Variants in ANKRD62 observed in about 807,000 individuals in gnomAD.
ANKRD62 encodes the protein ankyrin repeat domain-containing protein 62.
ANKRD62 carries 61 observed loss-of-function variants against 98.8 expected under a neutral mutation model. The observed-to-expected ratio is 0.62, with a 90% CI of 0.50 to 0.76. ANKRD62 has a LOEUF of 0.76. ANKRD62 is among the 30% of genes least tolerant of loss of function. The probability of loss-of-function intolerance (pLI) is 0.00; values close to 1 mark genes in which losing one functional copy is unlikely to be tolerated. For synonymous variants in ANKRD62, 341 were observed against 367.9 expected (o/e 0.93, Z 0.84); for missense variants, 933 against 1,082.9 (o/e 0.86, Z 1.94).
At chr18:12,123,855 A>G (rs910232450) in intron 11 of ANKRD62, among the ~76,000 whole-genome samples, 1 of 152,240 alleles carries the variant, frequency 6.6e-6, no homozygotes, top group African/African-American at 2.4e-5. Context: ...TGTGTGAAGA[A>G]AAGGTAATTT....
the ANKRD62 span, among the ~76,000 whole-genome samples, chr18:12,177,521 T>C: frequency 1.3e-3 from 191 of 152,154 alleles, no homozygotes; most frequent in African/African-American, 4.3e-3. Flanking sequence ...AAATTCCATC[T>C]GTTTCCCATA....
Position 12,127,752 on chromosome 18 carries a change from T to C in ANKRD62, c.2567T>C (p.Val856Ala). ...ACAAAAATAACATCTTACCAGGTAG[T>C]CAGGAGACAGCTTCAACGAGAAGTG... ...YEKEKEEREV[V>A]RRQLQREVDD... The change falls in exon 14 of 14, where the codon GTC becomes GCC. Residue 856 changes from valine to alanine, a missense_variant. Val to Ala is a moderately conservative substitution (Grantham distance 64). Around this residue, in one of 3 missense-constraint regions of ANKRD62, gnomAD observed 362 missense variants for 434.5 expected, o/e 0.83. Coordinates refer to ENST00000587848, the MANE Select transcript of ANKRD62 (RefSeq NM_001277333.2). The C allele has an allele frequency of 7.1e-7, 1 of 1,404,298 alleles. No homozygotes were observed. The highest frequency in any genetic ancestry group is 9.2e-7 in the Non-Finnish European group (1 of 1,085,626). 87.0% of individuals were successfully genotyped at this position (1,404,298 alleles called of 1,614,324 possible).
chr18:12,133,288 G>A (rs1391014446), downstream of ANKRD62, among the ~76,000 whole-genome samples: 3 of 152,114 alleles, frequency 2.0e-5, no homozygotes, highest in African/African-American at 7.2e-5. Context: ...TTCTATTGCA[G>A]AGAAATACCA....
chr18:12,107,217 A>T, intron 7 of ANKRD62, 78 bp from the exon 8 acceptor site: 1 of 955,114 alleles, frequency 1.0e-6, no homozygotes, highest in Non-Finnish European at 1.4e-6. Context: ...TCAAGTGATT[A>T]AATGAATGAA....
At chr18:12,118,612 A>G (rs923289039) in intron 10 of ANKRD62, among the ~76,000 whole-genome samples, 4 of 95,676 alleles carry the variant, frequency 4.2e-5, no homozygotes, top group African/African-American at 1.5e-4. Context: ...CTGTCTTAAA[A>G]AAAAAAAAAA....
In ANKRD62 at chr18:12,096,273, A is replaced by G; in HGVS notation, c.585A>G (p.Pro195=). The G allele has an allele frequency of 6.5e-7, 1 of 1,533,150 alleles. No individual in the cohort carries two copies. Among genetic ancestry groups the G allele is most frequent in the Non-Finnish European group, 8.7e-7 (1 of 1,144,218 alleles). 95.0% of individuals were successfully genotyped at this position (1,533,150 alleles called of 1,614,324 possible). Residue 195 remains proline (P), a synonymous_variant, in exon 4 of 14, where the codon CCA becomes CCG. Transcript: ENST00000587848. Reference sequence around the variant, plus strand: ...TGGCATTTTTGTTGAAGAAAAAACCAGATTTAACTGCAATAGATAATTTTG... The same window carrying G: ...TGGCATTTTTGTTGAAGAAAAAACCGGATTTAACTGCAATAGATAATTTTG... ...QMVAFLLKKK[P]DLTAIDNFGR...
chr18:12,144,919 G>A, the ANKRD62 span, among the ~76,000 whole-genome samples: 1 of 135,096 alleles, frequency 7.4e-6, no homozygotes, highest in Non-Finnish European at 1.6e-5. Context: ...CGAGGAGGGC[G>A]GATCGTTTGA....
the ANKRD62 span, among the ~76,000 whole-genome samples, chr18:12,135,989 A>G: frequency 7.2e-5 from 11 of 152,196 alleles, no homozygotes; most frequent in East Asian, 2.1e-3. Flanking sequence ...CCCATTCTGT[A>G]GGTTGCCTGT....
intron 6 of ANKRD62, chr18:12,102,225 G>A: frequency 1.3e-6 from 1 of 790,420 alleles, no homozygotes; most frequent in Middle Eastern, 3.6e-4. Context: ...ATTCAAATAA[G>A]CAGCTGGAAG....
At chr18:12,163,173 G>A in the ANKRD62 span, among the ~76,000 whole-genome samples, 1 of 151,728 alleles carries the variant, frequency 6.6e-6, no homozygotes, top group South Asian at 2.1e-4. Context: ...CATTTTTTGT[G>A]TCCTCTTATT....
At chr18:12,116,692 T>C (rs1278912422) in intron 10 of ANKRD62, among the ~76,000 whole-genome samples, 1 of 152,224 alleles carries the variant, frequency 6.6e-6, no homozygotes, top group Non-Finnish European at 1.5e-5. Context: ...TTGTTGTGTT[T>C]TGCTTATGCT....
chr18:12,115,202 T>C (rs1222719454), intron 9 of ANKRD62, 81 bp downstream of exon 9: 2 of 1,321,688 alleles, frequency 1.5e-6, no homozygotes, highest in East Asian at 2.6e-5. Flanking sequence ...AATCTTTTGC[T>C]GTAAAGACAT....
intron 4 of ANKRD62, 41 bp downstream of exon 4, chr18:12,096,343 G>A (rs1909182748): frequency 8.8e-7 from 1 of 1,132,178 alleles, no homozygotes. Flanking sequence ...AACCTGAGTG[G>A]TGTTCTAGAG....
At position 12,126,053 on chromosome 18, in the gene ANKRD62, A is replaced by G. The variant is rs933422626; in HGVS notation, c.2232A>G (p.Thr744=). 50 of 1,536,172 alleles carry G rather than the reference A, an allele frequency of 3.3e-5. No individual in the cohort carries two copies. Among genetic ancestry groups the G allele is most frequent in the Non-Finnish European group, 4.3e-5 (49 of 1,146,928 alleles). ...ACATGCAAGGAGTCCTAAGCCGAAC[A>G]CAGCGTCGATTGGAGGACATTGAAC... ...IEHMQGVLSR[T]QRRLEDIEHM... The change falls in exon 13 of 14, where the codon ACA becomes ACG. Residue 744 remains threonine, a synonymous_variant. Transcript: ENST00000587848.
chr18:12,140,525 G>T, the ANKRD62 span, among the ~76,000 whole-genome samples: 1 of 152,264 alleles, frequency 6.6e-6, no homozygotes, highest in African/African-American at 2.4e-5. Flanking sequence ...ATGGGTTGTT[G>T]GTGTAGATGT....
the ANKRD62 span, among the ~76,000 whole-genome samples, chr18:12,153,537 A>G: frequency 6.6e-6 from 1 of 150,844 alleles, no homozygotes; most frequent in Non-Finnish European, 1.5e-5. Flanking sequence ...GGTTTCAGTG[A>G]GCCAGGATCA....
At chr18:12,135,728 C>T in the ANKRD62 span, among the ~76,000 whole-genome samples, 171 of 145,502 alleles carry the variant, frequency 1.2e-3, no homozygotes, top group South Asian at 3.1e-3. Flanking sequence ...TTTTAATGAT[C>T]GCCATTCTAA....
intron 10 of ANKRD62, 124 bp from the exon 11 acceptor site, chr18:12,122,179 C>T: frequency 1.6e-6 from 1 of 644,406 alleles, no homozygotes; most frequent in Admixed American, 3.2e-5. Flanking sequence ...TTCCACATTG[C>T]AAGCACTTAA....
chr18:12,177,475 C>T, the ANKRD62 span, among the ~76,000 whole-genome samples: 3 of 152,118 alleles, frequency 2.0e-5, no homozygotes, highest in Non-Finnish European at 4.4e-5. Context: ...GCAGCTATGA[C>T]ATCAGTGTTT....
Sources: allele counts gnomAD v4.1 joint callset (sites outside exome capture counted in the v4.1 genomes callset), GRCh38; gene constraint gnomAD v4.1.1; regional missense constraint gnomAD v4.1.1; transcripts MANE v1.5; gene names NCBI Gene and HGNC (gene_info 2026-07-23, HGNC 2026-07-21).